The following CERKL variants were observed in gnomAD, a reference collection of about 807,000 sequenced individuals.
The protein encoded by CERKL is ceramide kinase-like protein.
In CERKL, 61 loss-of-function variants were observed where a neutral mutation model predicts 63.4. The observed-to-expected ratio is 0.96, with a 90% CI of 0.78 to 1.19. The LOEUF is 1.19. CERKL is among the 50% of genes most tolerant of loss of function. The pLI is 0.00. For synonymous variants in CERKL, 250 were observed against 230.5 expected, an observed-to-expected ratio of 1.08 and a Z score of -0.77; for missense variants, 675 against 655.5, an observed-to-expected ratio of 1.03 and a Z score of -0.33.
chr2:181,644,701 G>A (rs775383082), intron 1 of CERKL, among the ~76,000 whole-genome samples: 1 of 151,960 alleles, frequency 6.6e-6, no homozygotes, highest in Non-Finnish European at 1.5e-5. Context: ...CATATAATGG[G>A]GGAAAAAAAC....
At chr2:181,546,474 A>C (rs535805131) in intron 10 of CERKL, among the ~76,000 whole-genome samples, 173 of 152,326 alleles carry the variant, frequency 1.1e-3, no homozygotes, top group African/African-American at 3.7e-3. Context: ...TCAATTTCTA[A>C]ATCACACAAG....
At chr2:181,601,738 C>A (rs1032288436) in intron 2 of CERKL, among the ~76,000 whole-genome samples, 3 of 152,162 alleles carry the variant, frequency 2.0e-5, no homozygotes, top group African/African-American at 7.2e-5. Flanking sequence ...CACTTTGGTG[C>A]AGAGATGGAG....
At chr2:181,643,461 A>C (rs1687535021) in intron 1 of CERKL, among the ~76,000 whole-genome samples, 1 of 152,242 alleles carries the variant, frequency 6.6e-6, no homozygotes, top group South Asian at 2.1e-4. Flanking sequence ...AGTGCTTTTC[A>C]TACTTCAAGG....
At chr2:181,655,105 C>A (rs943527803) in intron 1 of CERKL, among the ~76,000 whole-genome samples, 1 of 152,186 alleles carries the variant, frequency 6.6e-6, no homozygotes, top group East Asian at 1.9e-4. Context: ...AAGGAAAAGA[C>A]CACCAAATGG....
chr2:181,541,517 G>A (rs953814598), intron 11 of CERKL, among the ~76,000 whole-genome samples: 6 of 152,182 alleles, frequency 3.9e-5, no homozygotes, highest in South Asian at 2.1e-4. Context: ...CAAAGGCCAC[G>A]TGTTCCAGAC....
chr2:181,637,337 T>C (rs1383223498), intron 1 of CERKL, among the ~76,000 whole-genome samples: 4 of 152,168 alleles, frequency 2.6e-5, no homozygotes, highest in Non-Finnish European at 5.9e-5. Context: ...GTAAAGTTTT[T>C]TATTAAACCA....
intron 2 of CERKL, among the ~76,000 whole-genome samples, chr2:181,578,891 C>A (rs1321431012): frequency 2.0e-5 from 3 of 151,938 alleles, no homozygotes; most frequent in African/African-American, 7.3e-5. Flanking sequence ...ATGCTATTCT[C>A]CATCTATTTG....
intron 1 of CERKL, among the ~76,000 whole-genome samples, chr2:181,638,004 T>C (rs1687256270): frequency 6.6e-6 from 1 of 152,168 alleles, no homozygotes; most frequent in Non-Finnish European, 1.5e-5. Context: ...TGTGTCTACA[T>C]AATGCAGGAT....
chr2:181,649,102 T>G (rs988324114), intron 1 of CERKL, among the ~76,000 whole-genome samples: 1 of 151,988 alleles, frequency 6.6e-6, no homozygotes, highest in Non-Finnish European at 1.5e-5. Flanking sequence ...AATTATCTAA[T>G]GAAAAGATAT....
chr2:181,616,294 A>C (rs1686193689), intron 1 of CERKL, among the ~76,000 whole-genome samples: 1 of 145,826 alleles, frequency 6.9e-6, no homozygotes, highest in Non-Finnish European at 1.5e-5. Context: ...GCTCACTGCA[A>C]GCTCCGCCTC....
At chr2:181,636,241 T>C (rs535569901) in intron 1 of CERKL, among the ~76,000 whole-genome samples, 223 of 152,332 alleles carry the variant, frequency 1.5e-3, no homozygotes, top group Non-Finnish European at 2.2e-3. Context: ...CAGCGTCTAC[T>C]ATCTATCCCA....
At chr2:181,620,234 C>G (rs1686389055) in intron 1 of CERKL, among the ~76,000 whole-genome samples, 1 of 152,146 alleles carries the variant, frequency 6.6e-6, no homozygotes, top group Non-Finnish European at 1.5e-5. Context: ...AAGACCCTTA[C>G]ATACAGTTCA....
intron 1 of CERKL, among the ~76,000 whole-genome samples, chr2:181,645,383 C>T (rs541086144): frequency 6.6e-6 from 1 of 152,288 alleles, no homozygotes; most frequent in African/African-American, 2.4e-5. Context: ...AAGGTGCTGA[C>T]AGTAAAGAAA....
intron 1 of CERKL, among the ~76,000 whole-genome samples, chr2:181,629,090 T>TATC (rs59442903): frequency 0.23 from 34,692 of 152,014 alleles, 7,316 homozygotes; most frequent in African/African-American, 0.56. Context: ...TTTTAGTCCT[T>TATC]ATCTTTTAAC....
intron 1 of CERKL, among the ~76,000 whole-genome samples, chr2:181,619,461 C>G (rs1206553708): frequency 6.6e-6 from 1 of 152,088 alleles, no homozygotes; most frequent in East Asian, 1.9e-4. Flanking sequence ...TCTCCAGCTT[C>G]TCAGCAATTC....
chr2:181,645,083 A>G (rs533997993), intron 1 of CERKL, among the ~76,000 whole-genome samples: 2 of 152,304 alleles, frequency 1.3e-5, no homozygotes, highest in South Asian at 2.1e-4. Context: ...AGGGAACCCA[A>G]ACAGACAGAC....
chr2:181,538,284 G>A lies in CERKL; in HGVS notation c.1539-40C>T, dbSNP rs1687300233. ...CATTATTTCATCAACTTATTTTGTTGTTTTTCACATACACCTAATAAGTAT... is the reference window on the plus strand; with the variant it reads ...CATTATTTCATCAACTTATTTTGTTATTTTTCACATACACCTAATAAGTAT... On this transcript the variant is annotated intron_variant, in intron 12 of 12. Coordinates refer to ENST00000410087, the MANE Select transcript of CERKL (RefSeq NM_201548.5). 6 of 1,217,606 alleles carry A rather than the reference G, an allele frequency of 4.9e-6. No individual in the cohort carries two copies. In the East Asian group the frequency reaches 1.2e-4, roughly 24 times the overall value. The allele number at this position is 1,217,606 out of a possible 1,614,324, so 75.4% of individuals were successfully genotyped here.
Position 181,536,792 on chromosome 2 carries a change from A to C in CERKL, c.*1392T>G. 1 of 254,688 alleles carries C rather than the reference A, an allele frequency of 3.9e-6. No homozygotes were observed. Among genetic ancestry groups the C allele is most frequent in the East Asian group, 1.0e-4 (1 of 9,958 alleles). The allele number at this position is 254,688 out of a possible 1,614,324, so 15.8% of individuals were successfully genotyped here. A position where few individuals can be genotyped will look rare whatever the true frequency, so the allele number is the denominator to read the frequency against. ...CAATCATTTTTGTAATATTTATTTT[A>C]TGCTTATGATCTAGATAATTGCAGA... is the stretch of plus-strand genomic sequence containing the variant. On this transcript the variant is annotated 3_prime_UTR_variant, in exon 13 of 13. Coordinates refer to ENST00000410087, the MANE Select transcript of CERKL (RefSeq NM_201548.5).
chr2:181,550,860 C>T lies in CERKL; in HGVS notation c.821-1152G>A, dbSNP rs1298099445. ...ATAAGCACAATTACTTCTAGTAATA[C>T]CAGTGCAAAGAAAAGTTTATTTTAA... is the stretch of plus-strand genomic sequence containing the variant. On this transcript the variant is annotated intron_variant, in intron 5 of 12. Transcript: ENST00000410087. This position sits in a 1 kb window ranked among gnomAD's most constrained non-coding sequence, Gnocchi z 4.5. 6.6e-6 allele frequency among the ~76,000 whole-genome samples: 1 copy of T among 152,000 alleles called. No homozygotes were observed. Among genetic ancestry groups the T allele is most frequent in the Non-Finnish European group, 1.5e-5 (1 of 67,988 alleles).
Sources: gnomAD v4.1 joint callset for allele counts (sites outside exome capture counted in the v4.1 genomes callset) on GRCh38, gnomAD v4.1.1 for gene constraint, Gnocchi (gnomAD v3.1) non-coding constraint, MANE v1.5 for transcripts, NCBI Gene and HGNC (gene_info 2026-07-23, HGNC 2026-07-21) for gene names.